Variants in EFCAB5 observed in about 807,000 individuals in gnomAD.
EFCAB5 encodes the protein EF-hand calcium-binding domain-containing protein 5.
In EFCAB5, 131 loss-of-function variants were observed where a neutral mutation model predicts 167.9. The observed-to-expected ratio is 0.78, with a 90% CI of 0.68 to 0.90. The LOEUF (loss-of-function observed/expected upper bound fraction) is 0.90. Ranked by LOEUF, EFCAB5 falls within the 40% of genes least tolerant of loss-of-function variation. The probability of loss-of-function intolerance (pLI) is 0.00; values close to 1 mark genes in which losing one functional copy is unlikely to be tolerated. For missense variants in EFCAB5, 1,663 were observed against 1,745.2 expected (o/e 0.95, Z 0.84); for synonymous variants, 574 against 602.8 (o/e 0.95, Z 0.70).
intron 3 of EFCAB5, among the ~76,000 whole-genome samples, chr17:29,965,248 CTTA>C (rs1286316367): frequency 1.3e-5 from 2 of 151,990 alleles, no homozygotes; most frequent in African/African-American, 4.8e-5. Flanking sequence ...TCATTTGTCT[CTTA>C]TTATTTTCTA....
intron 12 of EFCAB5, 102 bp downstream of exon 12, chr17:30,056,258 T>G (rs1302351557): frequency 9.6e-7 from 1 of 1,040,340 alleles, no homozygotes; most frequent in Non-Finnish European, 1.4e-6. Context: ...TAAGGCAGAA[T>G]GGGAAGGTGT....
chr17:30,092,803 G>A, intron 21 of EFCAB5, 37 bp from the exon 22 acceptor site: 5 of 1,478,968 alleles, frequency 3.4e-6, no homozygotes, highest in South Asian at 1.2e-5. Context: ...CTGCTTCCTG[G>A]TGATCCCATA....
intron 3 of EFCAB5, among the ~76,000 whole-genome samples, chr17:29,944,454 C>T (rs1233999457): frequency 6.6e-6 from 1 of 152,094 alleles, no homozygotes; most frequent in African/African-American, 2.4e-5. Flanking sequence ...GATTATTCAT[C>T]TTGCACTTAA....
chr17:30,107,962 C>T lies in EFCAB5; in HGVS notation c.4450C>T (p.Pro1484Ser). 1 of 1,609,958 alleles carries T rather than the reference C, an allele frequency of 6.2e-7. No individual in the cohort carries two copies. Among genetic ancestry groups the T allele is most frequent in the East Asian group, 2.2e-5 (1 of 44,672 alleles). ...QLNSGITPPL[P>S]SKTDNYMYAK... ...AAATAGTGGTATTACACCTCCGTTGCCCTCCAAGACTGACAATTATATGTA... is the reference window on the plus strand; with the variant it reads ...AAATAGTGGTATTACACCTCCGTTGTCCTCCAAGACTGACAATTATATGTA... The change falls in exon 23 of 23, where the codon CCC (proline) becomes TCC (serine). Residue 1484 changes from proline to serine, a missense_variant. Coordinates refer to ENST00000394835, the MANE Select transcript of EFCAB5 (RefSeq NM_198529.4).
At chr17:30,099,985 A>T (rs7225099) in intron 22 of EFCAB5, among the ~76,000 whole-genome samples, 9,048 of 152,078 alleles carry the variant, frequency 0.059, 499 homozygotes, top group African/African-American at 0.15. Flanking sequence ...TGGATCTCCT[A>T]GATTCAGTCT....
intron 22 of EFCAB5, among the ~76,000 whole-genome samples, chr17:30,095,100 C>T (rs2071270580): frequency 6.6e-6 from 1 of 152,182 alleles, no homozygotes; most frequent in South Asian, 2.1e-4. Context: ...GTCTCCCTCC[C>T]AGGAATTTTA....
At chr17:30,002,795 C>T (rs2068690439) in intron 7 of EFCAB5, among the ~76,000 whole-genome samples, 1 of 152,126 alleles carries the variant, frequency 6.6e-6, no homozygotes, top group Non-Finnish European at 1.5e-5. Context: ...CTGAGAATGT[C>T]TTTATTTTCC....
chr17:30,018,246 G>T (rs2069095019), intron 7 of EFCAB5, among the ~76,000 whole-genome samples: 2 of 149,118 alleles, frequency 1.3e-5, no homozygotes, highest in Admixed American at 6.7e-5. Flanking sequence ...TTTATTGATT[G>T]CCAGGCATTG....
At chr17:30,107,811 T>A (rs775588708) in intron 22 of EFCAB5, 23 bp from the exon 23 acceptor site, 1 of 374,522 alleles carries the variant, frequency 2.7e-6, no homozygotes, top group East Asian at 5.9e-4. Flanking sequence ...CACTCTTACT[T>A]TTCTTTTTTT....
At chr17:29,996,483 G>A (rs999137220) in intron 6 of EFCAB5, 123 bp downstream of exon 6, 5 of 707,012 alleles carry the variant, frequency 7.1e-6, no homozygotes, top group Non-Finnish European at 1.2e-5. Flanking sequence ...GGGCAATTAG[G>A]CTCTTCCATG....
At chr17:29,950,143 C>A (rs2067478556) in intron 3 of EFCAB5, among the ~76,000 whole-genome samples, 1 of 152,184 alleles carries the variant, frequency 6.6e-6, no homozygotes, top group African/African-American at 2.4e-5. Flanking sequence ...GCAAGATCAA[C>A]CCTTCCTCTT....
intron 12 of EFCAB5, among the ~76,000 whole-genome samples, 159 bp from the exon 13 acceptor site, chr17:30,057,517 G>A (rs1279977344): frequency 6.6e-6 from 1 of 152,148 alleles, no homozygotes; most frequent in African/African-American, 2.4e-5. Context: ...ATGGAGAGAT[G>A]TTTTTCCAAA....
intron 14 of EFCAB5, among the ~76,000 whole-genome samples, chr17:30,064,099 C>A (rs1597749791): frequency 6.6e-6 from 1 of 152,096 alleles, no homozygotes; most frequent in East Asian, 1.9e-4. Context: ...TGCAGGGACA[C>A]AAGAAACATG....
chr17:30,106,922 C>A (rs1023576934), intron 22 of EFCAB5, among the ~76,000 whole-genome samples: 1 of 152,186 alleles, frequency 6.6e-6, no homozygotes, highest in Non-Finnish European at 1.5e-5. Flanking sequence ...GCCTGGGCAA[C>A]AGGGCAAGAC....
chr17:29,969,023 G>A lies in EFCAB5; in HGVS notation c.423G>A (p.Lys141=), dbSNP rs1454524388. The change falls in exon 4 of 23, where the codon AAG becomes AAA. Residue 141 remains lysine (K), a synonymous_variant. Coordinates refer to ENST00000394835, the MANE Select transcript of EFCAB5 (RefSeq NM_198529.4). ...TAATAGATAAGGAAAATCTGAAGAA[G>A]GAACTAGAAAAAAAGGCTGAAAAAA... The part of the protein sequence containing the change: ...QKIIDKENLK[K]ELEKKAEKKL... The A allele has an allele frequency of 1.4e-5, 22 of 1,593,828 alleles. No homozygotes were observed. The East Asian group carries it at 3.6e-4, about 26-fold the overall frequency.
Position 30,086,152 on chromosome 17 carries a change from A to T in EFCAB5, c.3580-911A>T, listed in dbSNP as rs572365115. ...CTAAGACTACAGGCATGCCCCAAGA[A>T]TTTTTTTTTTAAAGGAATGATTCAT... On this transcript the variant is annotated intron_variant, in intron 18 of 22. Coordinates refer to ENST00000394835, the MANE Select transcript of EFCAB5 (RefSeq NM_198529.4). Among the ~76,000 whole-genome samples, 5 of 150,032 alleles carry T rather than the reference A, an allele frequency of 3.3e-5. No individual in the cohort carries two copies. The East Asian group carries it at 9.8e-4, about 29-fold the overall frequency.
At position 30,092,020 on chromosome 17, in the gene EFCAB5, T is replaced by C; in HGVS notation, c.4087T>C (p.Ser1363Pro). The C allele has an allele frequency of 6.2e-7, 1 of 1,613,856 alleles. No homozygotes were observed. Among genetic ancestry groups the C allele is most frequent in the East Asian group, 2.2e-5 (1 of 44,882 alleles). ...CCATACTCTTGTAACAGAGCCAAAT[T>C]CTCCTCAAGACAGCAAATCTATGGA... is the stretch of plus-strand genomic sequence containing the variant. The part of the protein sequence containing the change: ...YDHTLVTEPN[S>P]PQDSKSMELE... The change falls in exon 21 of 23, where the codon TCT becomes CCT. Residue 1363 changes from serine to proline, a missense_variant. By Grantham distance (74) the Ser-to-Pro change is moderately conservative (BLOSUM62 -1). Transcript: ENST00000394835.
chr17:30,030,249 C>T (rs767674715), intron 7 of EFCAB5, among the ~76,000 whole-genome samples: 4 of 152,172 alleles, frequency 2.6e-5, no homozygotes, highest in Non-Finnish European at 4.4e-5. Flanking sequence ...ACTCAGAAAA[C>T]CGACAGACTA....
intron 19 of EFCAB5, among the ~76,000 whole-genome samples, chr17:30,089,206 T>G (rs1454423692): frequency 6.6e-6 from 1 of 152,134 alleles, no homozygotes; most frequent in African/African-American, 2.4e-5. Flanking sequence ...GATTCTTGTG[T>G]GTAACTTAGA....
Sources: gnomAD v4.1 joint callset for allele counts (sites outside exome capture counted in the v4.1 genomes callset) on GRCh38, gnomAD v4.1.1 for gene constraint, MANE v1.5 for transcripts, NCBI Gene and HGNC (gene_info 2026-07-23, HGNC 2026-07-21) for gene names.